Variants in OR8B12 observed in about 807,000 individuals in gnomAD.
OR8B12 encodes olfactory receptor 8B12.
For synonymous variants in OR8B12, 152 were observed against 148.8 expected (o/e 1.02, Z -0.16); for missense variants, 383 against 376.4 (o/e 1.02, Z -0.14).
chr11:124,543,064 C>G lies in OR8B12; in HGVS notation c.591G>C (p.Val197=). Residue 197 remains valine (V), a synonymous_variant, in exon 1 of 1, where the codon GTG becomes GTC. Transcript: ENST00000306842. ...SCNSSYMNEL[V]VFIVVAVDVG... ...CGTCAACAGCCACCACAATAAAGAC[C>G]ACCAGCTCATTCATGTAAGAGCTGT... The G allele has an allele frequency of 6.2e-7, 1 of 1,613,984 alleles. No individual in the cohort carries two copies. The highest frequency in any genetic ancestry group is 8.5e-7 in the Non-Finnish European group (1 of 1,179,966).
Position 124,543,217 on chromosome 11 carries a change from A to T in OR8B12, c.438T>A (p.Gly146=), listed in dbSNP as rs1399358167. Residue 146 remains glycine, a synonymous_variant, in exon 1 of 1, where the codon GGT becomes GGA. Transcript: ENST00000306842. ...SCQVCLLLLL[G]AYGMGFAGAM... ...CCCCAGCAAACCCCATCCCATAGGC[A>T]CCCAACAAAAGGAGCAAACACACCT... The T allele has an allele frequency of 1.9e-6, 3 of 1,613,948 alleles. No individual in the cohort carries two copies. In the African/African-American group the frequency reaches 4.0e-5, roughly 22 times the overall value.
In OR8B12 at chr11:124,543,597, G is replaced by A. The variant is rs1340060473; in HGVS notation, c.58C>T (p.Pro20Ser). Reference sequence around the variant, plus strand: ...AAGAAGAGGGGGATCCGCAGTCCCGGCTGGTGGGTTAAGCCTTCGAGGATA... The same window carrying A: ...AAGAAGAGGGGGATCCGCAGTCCCGACTGGTGGGTTAAGCCTTCGAGGATA... ...EFILEGLTHQ[P>S]GLRIPLFFLF... The change falls in exon 1 of 1, where the codon CCG becomes TCG. Residue 20 changes from proline to serine, a missense_variant. Physicochemically the swap from Pro to Ser is moderately conservative, Grantham distance 74. Coordinates refer to ENST00000306842, the MANE Select transcript of OR8B12 (RefSeq NM_001005195.1). The A allele has an allele frequency of 6.2e-7, 1 of 1,614,002 alleles. No individual in the cohort carries two copies.
At position 124,543,352 on chromosome 11, in the gene OR8B12, G is replaced by C; in HGVS notation, c.303C>G (p.Phe101Leu). Residue 101 changes from phenylalanine (F) to leucine (L), a missense_variant, in exon 1 of 1, where the codon TTC becomes TTG. Phe to Leu is a conservative substitution (Grantham distance 22). Coordinates refer to ENST00000306842, the MANE Select transcript of OR8B12 (RefSeq NM_001005195.1). ...ISFTGCMTQL[F>L]FFCFFVVSES... Reference sequence around the variant, plus strand: ...CAGAGACGACAAAGAAGCAGAAGAAGAAGAGCTGAGTCATACACCCTGTGA... The same window carrying C: ...CAGAGACGACAAAGAAGCAGAAGAACAAGAGCTGAGTCATACACCCTGTGA... 1 of 1,614,064 alleles carries C rather than the reference G, an allele frequency of 6.2e-7. No individual in the cohort carries two copies.
chr11:124,542,898 A>G lies in OR8B12; in HGVS notation c.757T>C (p.Ser253Pro), dbSNP rs1158316347. 2 of 1,614,064 alleles carry G rather than the reference A, an allele frequency of 1.2e-6. No individual in the cohort carries two copies. Among genetic ancestry groups the G allele is most frequent in the Admixed American group, 1.7e-5 (1 of 59,984 alleles). ...HIIVVSLFFG[S>P]GAFMYLKPLS... ...GGTTTGAGATACATGAAAGCACCAGAACCAAAGAAAAGAGAAACTACAATT... is the reference window on the plus strand; with the variant it reads ...GGTTTGAGATACATGAAAGCACCAGGACCAAAGAAAAGAGAAACTACAATT... The change falls in exon 1 of 1, where the codon TCT (serine) becomes CCT (proline). Residue 253 changes from serine (S) to proline (P), a missense_variant. Ser to Pro is a moderately conservative substitution (Grantham distance 74, BLOSUM62 -1). Transcript: ENST00000306842.
rs748653507 is a variant in OR8B12, at chr11:124,543,370, C to T, written c.285G>A (p.Gly95=). The T allele has an allele frequency of 6.2e-7, 1 of 1,614,094 alleles. No individual in the cohort carries two copies. The highest frequency in any genetic ancestry group is 8.5e-7 in the Non-Finnish European group (1 of 1,179,998). The change falls in exon 1 of 1, where the codon GGG becomes GGA. Residue 95 remains glycine (G), a synonymous_variant. Coordinates refer to ENST00000306842, the MANE Select transcript of OR8B12 (RefSeq NM_001005195.1). ...VSRKNIISFT[G]CMTQLFFFCF... is the part of the protein sequence containing the mutation. ...AGAAGAAGAAGAGCTGAGTCATACA[C>T]CCTGTGAAGGAAATGATGTTCTTCC...
rs1381025757 is a variant in OR8B12 at position 124,543,611 on chromosome 11, CCT to C, written c.42_43del (p.Gly15LeufsTer49). On this transcript the variant is annotated frameshift_variant, in exon 1 of 1. Coordinates refer to ENST00000306842, the MANE Select transcript of OR8B12 (RefSeq NM_001005195.1). LOFTEE classifies it low-confidence loss of function (END_TRUNC). ...CCGCAGTCCCGGCTGGTGGGTTAAG[CCT>C]TCGAGGATAAACTCTGTCACAGAAG... 6.2e-7 allele frequency: 1 copy of C among 1,613,656 alleles called. No individual in the cohort carries two copies. Among genetic ancestry groups the C allele is most frequent in the South Asian group, 1.1e-5 (1 of 91,014 alleles).
Position 124,542,773 on chromosome 11 carries a change from C to T in OR8B12, c.882G>A (p.Lys294=). The T allele has an allele frequency of 6.2e-7, 1 of 1,608,802 alleles. No homozygotes were observed. The highest frequency in any genetic ancestry group is 8.5e-7 in the Non-Finnish European group (1 of 1,178,240). ...LNPLIYSLRN[K]DVKVALRRTL... is the part of the protein sequence containing the mutation. ...TTCTCCTCAGGGCAACTTTGACATC[C>T]TTGTTCCTCAAGCTATAGATTAATG... Residue 294 remains lysine (K), a synonymous_variant, in exon 1 of 1, where the codon AAG becomes AAA. Transcript: ENST00000306842.
In OR8B12 at chr11:124,543,090, T is replaced by G. The variant is rs923545085; in HGVS notation, c.565A>C (p.Asn189His). 6.2e-7 allele frequency: 1 copy of G among 1,613,906 alleles called. No homozygotes were observed. Among genetic ancestry groups the G allele is most frequent in the Non-Finnish European group, 8.5e-7 (1 of 1,179,976 alleles). Residue 189 changes from asparagine (N) to histidine (H), a missense_variant, in exon 1 of 1, where the codon AAC (asparagine) becomes CAC (histidine). By Grantham distance (68) the Asn-to-His change is moderately conservative. Coordinates refer to ENST00000306842, the MANE Select transcript of OR8B12 (RefSeq NM_001005195.1). ...ACCAGCTCATTCATGTAAGAGCTGT[T>G]GCAGGAGAGCTCAAGGAGAGGAAGG... ...DILPLLELSC[N>H]SSYMNELVVF...
chr11:124,542,740 G>T lies in OR8B12; in HGVS notation c.915C>A (p.Gly305=). ...TCCTTTCTTAAGAAAAGATTTTTCTGCCCAAAGTTCTCCTCAGGGCAACTT... is the reference window on the plus strand; with the variant it reads ...TCCTTTCTTAAGAAAAGATTTTTCTTCCCAAAGTTCTCCTCAGGGCAACTT... ...DVKVALRRTL[G]RKIFS is the part of the protein sequence containing the mutation. Residue 305 remains glycine (G), a synonymous_variant, in exon 1 of 1, where the codon GGC becomes GGA. Coordinates refer to ENST00000306842, the MANE Select transcript of OR8B12 (RefSeq NM_001005195.1). 2 of 1,585,610 alleles carry T rather than the reference G, an allele frequency of 1.3e-6. No individual in the cohort carries two copies. The highest frequency in any genetic ancestry group is 1.7e-6 in the Non-Finnish European group (2 of 1,167,978).
At position 124,543,223 on chromosome 11, in the gene OR8B12, C is replaced by T. The variant is rs753397481; in HGVS notation, c.432G>A (p.Leu144=). Residue 144 remains leucine, a synonymous_variant, in exon 1 of 1, where the codon TTG becomes TTA. Transcript: ENST00000306842. ...CAAACCCCATCCCATAGGCACCCAA[C>T]AAAAGGAGCAAACACACCTGGCAAG... is the stretch of plus-strand genomic sequence containing the variant. The part of the protein sequence containing the change: ...TMSCQVCLLL[L]LGAYGMGFAG... 3 of 1,613,944 alleles carry T rather than the reference C, an allele frequency of 1.9e-6. No individual in the cohort carries two copies. Among genetic ancestry groups the T allele is most frequent in the Admixed American group, 1.7e-5 (1 of 59,998 alleles).
chr11:124,542,930 G>C lies in OR8B12; in HGVS notation c.725C>G (p.Ser242Cys), dbSNP rs768713495. The C allele has an allele frequency of 4.3e-6, 7 of 1,613,954 alleles. No individual in the cohort carries two copies. The Admixed American group carries it at 1.2e-4, about 27-fold the overall frequency. Reference sequence around the variant, plus strand: ...GAAAAGAGAAACTACAATTATGTGGGAACTGCAAGTACTAAAGGCTTTGGA... The same window carrying C: ...GAAAAGAGAAACTACAATTATGTGGCAACTGCAAGTACTAAAGGCTTTGGA... ...GRSKAFSTCS[S>C]HIIVVSLFFG... The change falls in exon 1 of 1, where the codon TCC becomes TGC. Residue 242 changes from serine (S) to cysteine (C), a missense_variant. By Grantham distance (112) the Ser-to-Cys change is moderately radical. Transcript: ENST00000306842.
rs760634519 is a variant in OR8B12, at chr11:124,543,509, C to T, written c.146G>A (p.Gly49Glu). Residue 49 changes from glycine (G) to glutamate (E), a missense_variant, in exon 1 of 1, where the codon GGG becomes GAG. Gly to Glu is a moderately conservative substitution (Grantham distance 98). Coordinates refer to ENST00000306842, the MANE Select transcript of OR8B12 (RefSeq NM_001005195.1). ...GGGAGTGTGCAGGTGAGAGTTCAGC[C>T]CAATCAGGGTTATCAAGCCCAGGTT... The part of the protein sequence containing the change: ...VGNLGLITLI[G>E]LNSHLHTPMY... The T allele has an allele frequency of 8.7e-6, 14 of 1,613,808 alleles. 1 individual carries two copies. In the African/African-American group the frequency reaches 1.5e-4, roughly 17 times the overall value.
Position 124,543,599 on chromosome 11 carries a change from T to C in OR8B12, c.56A>G (p.Gln19Arg). ...GAAGAGGGGGATCCGCAGTCCCGGC[T>C]GGTGGGTTAAGCCTTCGAGGATAAA... Reference protein sequence around the residue: ...TEFILEGLTHQPGLRIPLFFL... With the variant: ...TEFILEGLTHRPGLRIPLFFL... Residue 19 changes from glutamine (Q) to arginine (R), a missense_variant, in exon 1 of 1, where the codon CAG (glutamine) becomes CGG (arginine). Coordinates refer to ENST00000306842, the MANE Select transcript of OR8B12 (RefSeq NM_001005195.1). 6.2e-7 allele frequency: 1 copy of C among 1,614,016 alleles called. No individual in the cohort carries two copies. The highest frequency in any genetic ancestry group is 8.5e-7 in the Non-Finnish European group (1 of 1,179,960).
In OR8B12 at chr11:124,542,864, A is replaced by G; in HGVS notation, c.791T>C (p.Ile264Thr). ...CACTTTCCCTTGCTCGAGGGGCAGGATGGAAAGGGGTTTGAGATACATGAA... is the reference window on the plus strand; with the variant it reads ...CACTTTCCCTTGCTCGAGGGGCAGGGTGGAAAGGGGTTTGAGATACATGAA... Reference protein sequence around the residue: ...GAFMYLKPLSILPLEQGKVSS... With the variant: ...GAFMYLKPLSTLPLEQGKVSS... Residue 264 changes from isoleucine to threonine, a missense_variant, in exon 1 of 1, where the codon ATC becomes ACC. Transcript: ENST00000306842. 3 of 1,614,048 alleles carry G rather than the reference A, an allele frequency of 1.9e-6. No homozygotes were observed. The highest frequency in any genetic ancestry group is 2.2e-5 in the South Asian group (2 of 91,070).
rs552894097 is a variant in OR8B12, at chr11:124,543,141, G to A, written c.514C>T (p.Leu172Phe). The change falls in exon 1 of 1, where the codon CTT becomes TTT. Residue 172 changes from leucine to phenylalanine, a missense_variant. Leu to Phe is a conservative substitution (Grantham distance 22). Transcript: ENST00000306842. ...ATGTCACACATGAAATGATTGACAAGGTTGTCAGCACAGAAGGTCAGGTTC... is the reference window on the plus strand; with the variant it reads ...ATGTCACACATGAAATGATTGACAAAGTTGTCAGCACAGAAGGTCAGGTTC... The part of the protein sequence containing the change: ...IMNLTFCADN[L>F]VNHFMCDILP... The A allele has an allele frequency of 3.8e-5, 61 of 1,613,954 alleles. 2 individuals carry two copies. In the South Asian group the frequency reaches 6.6e-4, roughly 17 times the overall value.
Position 124,542,723 on chromosome 11 carries a change from TAAGAA to T in OR8B12, c.927_931del (p.Phe309LeufsTer?), listed in dbSNP as rs761554664. On this transcript the variant is annotated frameshift_variant and stop_lost, in exon 1 of 1. Coordinates refer to ENST00000306842, the MANE Select transcript of OR8B12 (RefSeq NM_001005195.1). LOFTEE classifies it high-confidence loss of function. ...CCTTCCTCCAATACTAATCCTTTCT[TAAGAA>T]AAGATTTTTCTGCCCAAAGTTCTCC... 4.5e-6 allele frequency: 7 copies of T among 1,568,066 alleles called. No individual in the cohort carries two copies. In the Admixed American group the frequency reaches 7.6e-5, roughly 17 times the overall value.
rs1311917861 is a variant in OR8B12, at chr11:124,543,363, T to C, written c.292A>G (p.Thr98Ala). ...AAGAAGCAGAAGAAGAAGAGCTGAG[T>C]CATACACCCTGTGAAGGAAATGATG... ...KNIISFTGCM[T>A]QLFFFCFFVV... The change falls in exon 1 of 1, where the codon ACT (threonine) becomes GCT (alanine). Residue 98 changes from threonine to alanine, a missense_variant. Physicochemically the swap from Thr to Ala is moderately conservative, Grantham distance 58 (BLOSUM62 0). Transcript: ENST00000306842. 6.2e-7 allele frequency: 1 copy of C among 1,613,966 alleles called. No individual in the cohort carries two copies. The highest frequency in any genetic ancestry group is 1.3e-5 in the African/African-American group (1 of 74,988).
chr11:124,543,374 G>T lies in OR8B12; in HGVS notation c.281C>A (p.Thr94Lys). ...FVSRKNIISF[T>K]GCMTQLFFFC... The stretch of plus-strand genomic sequence containing the variant: ...GAAGAAGAGCTGAGTCATACACCCT[G>T]TGAAGGAAATGATGTTCTTCCTTGA... The change falls in exon 1 of 1, where the codon ACA becomes AAA. Residue 94 changes from threonine (T) to lysine (K), a missense_variant. Coordinates refer to ENST00000306842, the MANE Select transcript of OR8B12 (RefSeq NM_001005195.1). 3.1e-6 allele frequency: 5 copies of T among 1,614,140 alleles called. No individual in the cohort carries two copies. Among genetic ancestry groups the T allele is most frequent in the Non-Finnish European group, 3.4e-6 (4 of 1,179,998 alleles).
Sources: gnomAD v4.1 joint callset for allele counts on GRCh38, gnomAD v4.1.1 for gene constraint, MANE v1.5 for transcripts, NCBI Gene and HGNC (gene_info 2026-07-23, HGNC 2026-07-21) for gene names.